The following DAG1 variants were observed in gnomAD, a reference collection of about 807,000 sequenced individuals.
The protein encoded by DAG1 is dystroglycan 1 (dystrophin-associated glycoprotein 1).
DAG1 carries 8 observed loss-of-function variants against 46.1 expected under a neutral mutation model. The ratio of observed to expected loss-of-function variants is 0.17; its 90% CI spans 0.10 to 0.31. DAG1 has a LOEUF of 0.31. DAG1 is among the 10% of genes least tolerant of loss of function. The pLI, the probability that DAG1 is intolerant of heterozygous loss-of-function variation, is 1.00. For synonymous variants in DAG1, 495 were observed against 481.8 expected (o/e 1.03, Z -0.36); for missense variants, 1,003 against 1,189.9 (o/e 0.84, Z 2.31).
chr3:49,510,691 G>A lies in DAG1; in HGVS notation c.157G>A (p.Val53Met), dbSNP rs1326542203. 1 of 1,614,050 alleles carries A rather than the reference G, an allele frequency of 6.2e-7. No homozygotes were observed. The highest frequency in any genetic ancestry group is 8.5e-7 in the Non-Finnish European group (1 of 1,180,034). Reference sequence around the variant, plus strand: ...CCAGCTTGAGGCATCCATGCACTCAGTGCTCTCAGACCTCCACGAGGCTGT... The same window carrying A: ...CCAGCTTGAGGCATCCATGCACTCAATGCTCTCAGACCTCCACGAGGCTGT... ...ENQLEASMHS[V>M]LSDLHEAVPT... The change falls in exon 2 of 3, where the codon GTG (valine) becomes ATG (methionine). Residue 53 changes from valine to methionine, a missense_variant. Physicochemically the swap from Val to Met is conservative, Grantham distance 21 (BLOSUM62 1). This residue lies in a region of DAG1 where 196 missense variants were observed against 239.1 expected (regional missense o/e 0.82). Transcript: ENST00000308775.
At chr3:49,521,837 A>C (rs2051034120) in intron 2 of DAG1, among the ~76,000 whole-genome samples, 1 of 150,972 alleles carries the variant, frequency 6.6e-6, no homozygotes, top group Non-Finnish European at 1.5e-5. Flanking sequence ...TATTGTGGGC[A>C]TCACAGTTTT....
chr3:49,482,654 G>C (rs886388654), intron 1 of DAG1, among the ~76,000 whole-genome samples: 1 of 152,042 alleles, frequency 6.6e-6, no homozygotes, highest in Non-Finnish European at 1.5e-5. Flanking sequence ...ACATGTTTTT[G>C]TCCTTATTAT....
chr3:49,489,258 A>G (rs1258669286), intron 1 of DAG1, among the ~76,000 whole-genome samples: 2 of 151,864 alleles, frequency 1.3e-5, no homozygotes, highest in African/African-American at 4.8e-5. Flanking sequence ...ACGCCTGGCT[A>G]ATTTTGTATT....
chr3:49,478,491 G>A (rs1449540449), intron 1 of DAG1, among the ~76,000 whole-genome samples: 3 of 147,616 alleles, frequency 2.0e-5, no homozygotes, highest in East Asian at 2.0e-4. Context: ...CTAGGTACTC[G>A]GGAAGCTGAG....
At chr3:49,490,277 C>G (rs1011021489) in intron 1 of DAG1, among the ~76,000 whole-genome samples, 3 of 151,424 alleles carry the variant, frequency 2.0e-5, no homozygotes, top group African/African-American at 7.3e-5. Context: ...GATGTGGACC[C>G]GGGAGGTGGA....
At chr3:49,492,077 C>T (rs1333407638) in intron 1 of DAG1, among the ~76,000 whole-genome samples, 1 of 152,148 alleles carries the variant, frequency 6.6e-6, no homozygotes, top group Non-Finnish European at 1.5e-5. Context: ...TAGGCATGGG[C>T]CACCAAGCCC....
intron 1 of DAG1, among the ~76,000 whole-genome samples, chr3:49,503,714 G>A (rs900166405): frequency 6.6e-6 from 1 of 151,974 alleles, no homozygotes; most frequent in African/African-American, 2.4e-5. Context: ...TGTGGTCCCA[G>A]CTATTTCGGA....
chr3:49,480,765 T>TC (rs1324509518), intron 1 of DAG1, among the ~76,000 whole-genome samples: 1 of 127,514 alleles, frequency 7.8e-6, no homozygotes, highest in African/African-American at 2.6e-5. Context: ...AAGTTTTTTT[T>TC]TTTTTTTTTT....
chr3:49,496,478 C>G lies in DAG1; in HGVS notation c.-116-13941C>G, dbSNP rs531097866. On this transcript the variant is annotated intron_variant, in intron 1 of 2. Transcript: ENST00000308775. The stretch of plus-strand genomic sequence containing the variant: ...GTTCAAGCAATTCTGCTGCCTTAGC[C>G]TCCTGAGTAGCTGGGATTACAGGCG... Among the ~76,000 whole-genome samples the G allele has an allele frequency of 2.0e-5, 3 of 151,254 alleles. No individual in the cohort carries two copies. The East Asian group carries it at 5.9e-4, about 30-fold the overall frequency.
intron 2 of DAG1, among the ~76,000 whole-genome samples, chr3:49,528,275 A>ATTTTTTTTTT (rs147292984): frequency 0.029 from 1,958 of 66,582 alleles, 416 homozygotes; most frequent in Non-Finnish European, 0.04. Context: ...AAATAGTGTG[A>ATTTTTTTTTT]TTTTTTTTTT....
intron 1 of DAG1, among the ~76,000 whole-genome samples, chr3:49,506,057 A>G (rs1273196912): frequency 2.2e-5 from 3 of 137,510 alleles, no homozygotes; most frequent in Admixed American, 7.5e-5. Flanking sequence ...TCGGCTCACT[A>G]CAACCACCGC....
chr3:49,502,661 C>T (rs1408863463), intron 1 of DAG1, among the ~76,000 whole-genome samples: 5 of 133,754 alleles, frequency 3.7e-5, no homozygotes, highest in East Asian at 2.2e-4. Context: ...TTTTTTGAGA[C>T]GGAGTCTTGC....
intron 1 of DAG1, among the ~76,000 whole-genome samples, chr3:49,509,304 G>T (rs1330895813): frequency 6.6e-6 from 1 of 152,142 alleles, no homozygotes; most frequent in African/African-American, 2.4e-5. Flanking sequence ...GTGGAGTGGT[G>T]TGCACCTGAA....
chr3:49,474,294 T>C (rs1193542805), intron 1 of DAG1, among the ~76,000 whole-genome samples: 43 of 152,072 alleles, frequency 2.8e-4, no homozygotes, highest in Admixed American at 2.8e-3. Context: ...GACCTTGTGG[T>C]CTGCCCGCCT....
In DAG1 at chr3:49,531,059, C is replaced by T; in HGVS notation, c.548C>T (p.Ala183Val). Residue 183 changes from alanine to valine, a missense_variant, in exon 3 of 3, where the codon GCT becomes GTT. This residue lies in a region of DAG1 where 196 missense variants were observed against 239.1 expected (regional missense o/e 0.82). Coordinates refer to ENST00000308775, the MANE Select transcript of DAG1 (RefSeq NM_004393.6). The surrounding 1 kb of genome is among the most constrained non-coding windows in gnomAD (Gnocchi z 7.0). ...GGTGAGGTGGTATCATCTGCCTGTG[C>T]TGCGGATGAACCTGTGACTGTTTTG... Reference protein sequence around the residue: ...DPGEVVSSACAADEPVTVLTV... With the variant: ...DPGEVVSSACVADEPVTVLTV... The T allele has an allele frequency of 6.2e-7, 1 of 1,614,174 alleles. No homozygotes were observed. Among genetic ancestry groups the T allele is most frequent in the Non-Finnish European group, 8.5e-7 (1 of 1,180,012 alleles).
intron 1 of DAG1, among the ~76,000 whole-genome samples, chr3:49,501,289 A>C (rs1426248398): frequency 6.6e-6 from 1 of 152,174 alleles, no homozygotes; most frequent in African/African-American, 2.4e-5. Context: ...TGAGATTGGA[A>C]TAGTGAAAGA....
intron 1 of DAG1, among the ~76,000 whole-genome samples, chr3:49,502,042 C>T (rs919419674): frequency 1.6e-4 from 24 of 152,060 alleles, no homozygotes; most frequent in Admixed American, 3.9e-4. Flanking sequence ...GGTGTGGTGG[C>T]GCACACCTGT....
intron 1 of DAG1, among the ~76,000 whole-genome samples, chr3:49,484,372 CT>C (rs2107151375): frequency 6.6e-6 from 1 of 152,138 alleles, no homozygotes; most frequent in Admixed American, 6.6e-5. Context: ...GTGGGGACCC[CT>C]GTCTCTTCAG....
intron 1 of DAG1, among the ~76,000 whole-genome samples, chr3:49,486,171 A>G (rs1332718420): frequency 1.3e-5 from 2 of 150,020 alleles, no homozygotes; most frequent in African/African-American, 4.9e-5. Flanking sequence ...GATTTATACC[A>G]CTATTTTCTT....
Sources: gnomAD v4.1 joint callset for allele counts (sites outside exome capture counted in the v4.1 genomes callset) on GRCh38, gnomAD v4.1.1 for gene constraint, gnomAD v4.1.1 regional missense constraint, Gnocchi (gnomAD v3.1) non-coding constraint, MANE v1.5 for transcripts, NCBI Gene and HGNC (gene_info 2026-07-23, HGNC 2026-07-21) for gene names.